FUT8: variants seen among roughly 807,000 people sequenced by gnomAD.
The protein encoded by FUT8 is fucosyltransferase 8.
FUT8 carries 29 observed loss-of-function variants against 71.3 expected under a neutral mutation model. The ratio of observed to expected loss-of-function variants is 0.41; its 90% confidence interval spans 0.30 to 0.55. The LOEUF is 0.55. Among genes scored for constraint, FUT8 ranks in the 20% least tolerant of loss-of-function variants. FUT8 has a pLI of 0.34. For missense variants in FUT8, 544 were observed against 702.1 expected (o/e 0.77, Z 2.55); for synonymous variants, 254 against 239.3 (o/e 1.06, Z -0.57).
At chr14:65,358,944 T>G in the FUT8 span, among the ~76,000 whole-genome samples, 1 of 152,182 alleles carries the variant, frequency 6.6e-6, no homozygotes, top group South Asian at 2.1e-4. Flanking sequence ...ATAAGGACAT[T>G]CTCCTACACA....
chr14:65,368,179 C>G, the FUT8 span, among the ~76,000 whole-genome samples: 6 of 149,486 alleles, frequency 4.0e-5, no homozygotes, highest in Non-Finnish European at 8.9e-5. Flanking sequence ...TCAGCCTTCC[C>G]GGTAGCTGGG....
chr14:65,481,389 CT>C (rs943381454), intron 2 of FUT8, among the ~76,000 whole-genome samples: 7 of 149,540 alleles, frequency 4.7e-5, no homozygotes, highest in South Asian at 2.1e-4. Flanking sequence ...GTAACATATA[CT>C]TTTTTTTTTC....
chr14:65,556,608 T>A (rs1233518345), intron 2 of FUT8, among the ~76,000 whole-genome samples: 1 of 152,176 alleles, frequency 6.6e-6, no homozygotes, highest in Non-Finnish European at 1.5e-5. Context: ...GTATTCTATT[T>A]AAGAAACAAG....
intron 3 of FUT8, among the ~76,000 whole-genome samples, chr14:65,577,787 T>C (rs1240574286): frequency 1.3e-5 from 2 of 152,138 alleles, no homozygotes; most frequent in East Asian, 3.8e-4. Flanking sequence ...TCAATAAATG[T>C]ATTTATTGAA....
At chr14:65,426,885 GTC>G (rs1296529673) in intron 1 of FUT8, among the ~76,000 whole-genome samples, 1 of 152,006 alleles carries the variant, frequency 6.6e-6, no homozygotes, top group East Asian at 1.9e-4. Context: ...TTGAGACGGA[GTC>G]TCTCTTTGTC....
rs781047742 is a variant in FUT8 at position 65,603,565 on chromosome 14, G to A, written c.204-12413G>A. 5.9e-5 allele frequency among the ~76,000 whole-genome samples: 9 copies of A among 151,326 alleles called. No homozygotes were observed. The highest frequency in any genetic ancestry group is 1.3e-4 in the Admixed American group (2 of 15,134). On this transcript the variant is annotated intron_variant, in intron 3 of 10. Coordinates refer to ENST00000673929, the MANE Select transcript of FUT8 (RefSeq NM_001371533.1). This position sits in a 1 kb window ranked among gnomAD's most constrained non-coding sequence, Gnocchi z 4.5. ...ATTGCATTGAATTTGTAGATTTGGC[G>A]GTATGGCAATTTTCACAATGACCAT...
intron 1 of FUT8, among the ~76,000 whole-genome samples, chr14:65,428,161 G>T (rs1327994974): frequency 1.3e-5 from 2 of 151,938 alleles, no homozygotes; most frequent in Non-Finnish European, 2.9e-5. Context: ...TTCACAGCTG[G>T]GTAGACATTC....
At chr14:65,584,233 C>A (rs1018600703) in intron 3 of FUT8, among the ~76,000 whole-genome samples, 1 of 148,938 alleles carries the variant, frequency 6.7e-6, no homozygotes, top group Admixed American at 6.8e-5. Flanking sequence ...AGCTGGAGTG[C>A]AGTGGTGCGA....
At chr14:65,507,638 T>C (rs981509938) in intron 2 of FUT8, among the ~76,000 whole-genome samples, 1 of 152,266 alleles carries the variant, frequency 6.6e-6, no homozygotes, top group Non-Finnish European at 1.5e-5. Context: ...GATCTCATTC[T>C]CTTTTATGGC....
intron 7 of FUT8, among the ~76,000 whole-genome samples, chr14:65,690,070 TTTTG>T (rs932226968): frequency 3.9e-5 from 6 of 152,284 alleles, no homozygotes; most frequent in East Asian, 1.9e-4. Flanking sequence ...TATACCCTGT[TTTTG>T]TTTGTTTGTT....
intron 2 of FUT8, among the ~76,000 whole-genome samples, chr14:65,541,844 T>C (rs565727709): frequency 6.6e-6 from 1 of 152,308 alleles, no homozygotes; most frequent in East Asian, 1.9e-4. Context: ...CACTCACGAA[T>C]ATAAAAATAA....
Position 65,520,630 on chromosome 14 carries a change from C to T in FUT8, c.-227-40707C>T, listed in dbSNP as rs143409201. ...TATAGCAACCTTATTTTTTTTTTAT[C>T]CTCCACAAGATCATTTTAGTGTAGT... On this transcript the variant is annotated intron_variant, in intron 2 of 10. Coordinates refer to ENST00000673929, the MANE Select transcript of FUT8 (RefSeq NM_001371533.1). Among the ~76,000 whole-genome samples, 122 of 151,374 alleles carry T rather than the reference C, an allele frequency of 8.1e-4. No homozygotes were observed. The East Asian group carries it at 0.015, about 18-fold the overall frequency.
intron 2 of FUT8, among the ~76,000 whole-genome samples, chr14:65,538,074 T>TC (rs1383880871): frequency 3.3e-5 from 5 of 152,280 alleles, no homozygotes; most frequent in African/African-American, 1.2e-4. Flanking sequence ...GACTCTTTAG[T>TC]CCCCTAGGGC....
At chr14:65,639,846 A>C (rs1566868804) in intron 6 of FUT8, among the ~76,000 whole-genome samples, 1 of 152,114 alleles carries the variant, frequency 6.6e-6, no homozygotes, top group Non-Finnish European at 1.5e-5. Flanking sequence ...ATTTGTATTT[A>C]TTTCAGTATG....
intron 2 of FUT8, among the ~76,000 whole-genome samples, chr14:65,501,674 T>C (rs1453322566): frequency 6.6e-6 from 1 of 152,114 alleles, no homozygotes; most frequent in Non-Finnish European, 1.5e-5. Flanking sequence ...AAGGGTAGAT[T>C]TGGATCTGAG....
intron 7 of FUT8, among the ~76,000 whole-genome samples, chr14:65,692,261 CG>C (rs1566898757): frequency 7.0e-6 from 1 of 143,522 alleles, no homozygotes; most frequent in African/African-American, 2.6e-5. Flanking sequence ...CCAGATGGGG[CG>C]GCTGGCCGGG....
chr14:65,526,744 G>T (rs966591332), intron 2 of FUT8, among the ~76,000 whole-genome samples: 14 of 152,124 alleles, frequency 9.2e-5, no homozygotes, highest in South Asian at 2.1e-4. Flanking sequence ...AGGAGCTCTT[G>T]TAGGGCAGGC....
chr14:65,356,844 G>A, the FUT8 span, among the ~76,000 whole-genome samples: 1,076 of 152,338 alleles, frequency 7.1e-3, 12 homozygotes, highest in African/African-American at 0.024. The surrounding 1 kb of genome is among the most constrained non-coding windows in gnomAD (Gnocchi z 4.6). Flanking sequence ...GGTAAAATGT[G>A]GAGAGAGCAG....
chr14:65,637,557 T>A (rs1340186353), intron 6 of FUT8, among the ~76,000 whole-genome samples: 1 of 152,152 alleles, frequency 6.6e-6, no homozygotes, highest in Non-Finnish European at 1.5e-5. Flanking sequence ...TTCAGGTGAA[T>A]AAAGTATGTA....
Sources: gnomAD v4.1 joint callset for allele counts (sites outside exome capture counted in the v4.1 genomes callset) on GRCh38, gnomAD v4.1.1 for gene constraint, Gnocchi (gnomAD v3.1) non-coding constraint, MANE v1.5 for transcripts, NCBI Gene and HGNC (gene_info 2026-07-23, HGNC 2026-07-21) for gene names.